Variants in PFKFB3 observed in about 807,000 individuals in gnomAD.
PFKFB3 encodes the protein 6-phosphofructo-2-kinase/fructose-2,6-bisphosphatase 3.
Under a neutral mutation model 68.0 loss-of-function variants are expected in PFKFB3, and 33 were observed. That is an observed-to-expected ratio of 0.49 (90% confidence interval 0.37 to 0.65). The LOEUF is 0.65. PFKFB3 is among the 30% of genes least tolerant of loss of function. The pLI, the probability that PFKFB3 is intolerant of heterozygous loss-of-function variation, is 0.00. For missense variants in PFKFB3, 586 were observed against 712.2 expected (o/e 0.82, Z 2.02); for synonymous variants, 315 against 288.2 (o/e 1.09, Z -0.94).
At chr10:6,276,734 A>G in the PFKFB3 span, among the ~76,000 whole-genome samples, 1 of 152,246 alleles carries the variant, frequency 6.6e-6, no homozygotes, top group Admixed American at 6.5e-5. Flanking sequence ...CCCTTCCCTC[A>G]GTTTCTCCCA....
chr10:6,235,828 G>A (rs187045035), downstream of PFKFB3, among the ~76,000 whole-genome samples: 592 of 148,910 alleles, frequency 4.0e-3, 6 homozygotes, highest in Non-Finnish European at 6.3e-3. Flanking sequence ...GTGCAGTGGC[G>A]CGATCTCAGC....
In PFKFB3 at chr10:6,216,137, A is replaced by G; in HGVS notation, c.312A>G (p.Leu104=). 6 of 1,614,120 alleles carry G rather than the reference A, an allele frequency of 3.7e-6. No homozygotes were observed. Among genetic ancestry groups the G allele is most frequent in the Non-Finnish European group, 5.1e-6 (6 of 1,179,978 alleles). Residue 104 remains leucine, a synonymous_variant, in exon 4 of 15, where the codon TTA becomes TTG. Coordinates refer to ENST00000379775, the MANE Select transcript of PFKFB3 (RefSeq NM_004566.4). ...EAMKVRKQCA[L]AALRDVKSYL... ...TTGTGCATTCCAGGCAATGTGCCTT[A>G]GCTGCCTTGAGAGATGTCAAAAGCT...
At chr10:6,199,658 ATT>A (rs143309528), upstream of PFKFB3, among the ~76,000 whole-genome samples, 1,062 of 75,534 alleles carry the variant, frequency 0.014, 9 homozygotes, top group African/African-American at 0.057. Context: ...CTATTTTTAA[ATT>A]TTTTTTTTTT....
At chr10:6,259,372 A>G (rs1352823117), downstream of PFKFB3, among the ~76,000 whole-genome samples, 1 of 147,798 alleles carries the variant, frequency 6.8e-6, no homozygotes, top group Non-Finnish European at 1.5e-5. Context: ...CCATCCATCC[A>G]TTCACCAACT....
chr10:6,276,979 G>A, the PFKFB3 span, among the ~76,000 whole-genome samples: 1 of 151,998 alleles, frequency 6.6e-6, no homozygotes, highest in Non-Finnish European at 1.5e-5. Flanking sequence ...CCCCTCTAGA[G>A]CCTCAAGTCA....
intron 1 of PFKFB3, among the ~76,000 whole-genome samples, chr10:6,178,870 A>C (rs907796694): frequency 1.3e-5 from 2 of 152,112 alleles, no homozygotes; most frequent in Admixed American, 1.3e-4. Flanking sequence ...ACTGGTCCCT[A>C]CCTTGGAGGC....
intron 1 of PFKFB3, among the ~76,000 whole-genome samples, chr10:6,180,858 T>C (rs1842692636): frequency 6.6e-6 from 1 of 152,210 alleles, no homozygotes; most frequent in African/African-American, 2.4e-5. Flanking sequence ...CTCTGTGTGT[T>C]AGTTCTCTGG....
At chr10:6,160,491 G>A (rs1376496392) in intron 1 of PFKFB3, among the ~76,000 whole-genome samples, 1 of 152,152 alleles carries the variant, frequency 6.6e-6, no homozygotes, top group Non-Finnish European at 1.5e-5. Flanking sequence ...GCTGAGGCAG[G>A]CAGATGACCT....
At chr10:6,227,107 C>G (rs903225521) in intron 14 of PFKFB3, among the ~76,000 whole-genome samples, 2 of 152,028 alleles carry the variant, frequency 1.3e-5, no homozygotes, top group Admixed American at 6.5e-5. Context: ...GCAAAAAACC[C>G]CAACCCGATT....
the PFKFB3 span, among the ~76,000 whole-genome samples, chr10:6,261,135 A>G: frequency 2.0e-5 from 3 of 152,238 alleles, no homozygotes; most frequent in Admixed American, 1.3e-4. Flanking sequence ...CATTCCATCT[A>G]TGACAAACGA....
At chr10:6,201,359 C>G (rs1843342728), upstream of PFKFB3, among the ~76,000 whole-genome samples, 1 of 151,796 alleles carries the variant, frequency 6.6e-6, no homozygotes, top group African/African-American at 2.4e-5. This position sits in a 1 kb window ranked among gnomAD's most constrained non-coding sequence, Gnocchi z 4.1. Flanking sequence ...CGCCAGAGCG[C>G]GGAAACCAGA....
At chr10:6,209,098 C>T (rs1321443599) in intron 1 of PFKFB3, among the ~76,000 whole-genome samples, 3 of 152,200 alleles carry the variant, frequency 2.0e-5, no homozygotes, top group Non-Finnish European at 2.9e-5. Flanking sequence ...AGTGAGCGAG[C>T]GTGTCATGAA....
chr10:6,222,661 G>A (rs899797372), intron 10 of PFKFB3, 194 bp from the exon 11 acceptor site: 2 of 491,270 alleles, frequency 4.1e-6, no homozygotes, highest in Non-Finnish European at 6.9e-6. Flanking sequence ...CCGTGTGGGA[G>A]CGGAGTGGGG....
At chr10:6,188,383 C>T (rs1456653880) in intron 1 of PFKFB3, among the ~76,000 whole-genome samples, 2 of 151,416 alleles carry the variant, frequency 1.3e-5, no homozygotes, top group African/African-American at 2.4e-5. Context: ...ACAAGCCTTT[C>T]ATCTAGTGTG....
upstream of PFKFB3, among the ~76,000 whole-genome samples, chr10:6,202,281 G>A (rs1843391477): frequency 6.6e-6 from 1 of 152,162 alleles, no homozygotes; most frequent in African/African-American, 2.4e-5. Context: ...GGGGAGCAAG[G>A]CTCAGTTCAA....
chr10:6,187,065 G>A (rs943913698), intron 1 of PFKFB3, among the ~76,000 whole-genome samples: 11 of 151,830 alleles, frequency 7.2e-5, no homozygotes, highest in Non-Finnish European at 1.5e-4. Flanking sequence ...AAGTTGTCTC[G>A]AAAGTGAAAA....
intron 14 of PFKFB3, 192 bp downstream of exon 14, chr10:6,226,557 C>T (rs1386751245): frequency 7.0e-6 from 4 of 573,988 alleles, no homozygotes; most frequent in Non-Finnish European, 1.2e-5. Flanking sequence ...TGAGGGAGAA[C>T]ATAGGAAGCA....
At chr10:6,190,923 C>T (rs545892815) in intron 1 of PFKFB3, among the ~76,000 whole-genome samples, 40 of 152,242 alleles carry the variant, frequency 2.6e-4, no homozygotes, top group African/African-American at 8.4e-4. Context: ...GGATTATAGG[C>T]GTCTGCCAAC....
chr10:6,304,667 A>G, the PFKFB3 span, among the ~76,000 whole-genome samples: 3 of 148,684 alleles, frequency 2.0e-5, no homozygotes, highest in African/African-American at 7.4e-5. Flanking sequence ...TACTATTCTA[A>G]ATTAAAAATA....
Sources: gnomAD v4.1 joint callset for allele counts (sites outside exome capture counted in the v4.1 genomes callset) on GRCh38, gnomAD v4.1.1 for gene constraint, Gnocchi (gnomAD v3.1) non-coding constraint, MANE v1.5 for transcripts, NCBI Gene and HGNC (gene_info 2026-07-23, HGNC 2026-07-21) for gene names.